The following SDHA variants were observed in gnomAD, a reference collection of about 807,000 sequenced individuals.
SDHA encodes the protein succinate dehydrogenase complex flavoprotein subunit A.
SDHA carries 48 observed loss-of-function variants against 78.4 expected under a neutral mutation model. That is an observed-to-expected ratio of 0.61 (90% CI 0.49 to 0.78). The LOEUF (loss-of-function observed/expected upper bound fraction) is 0.78, where lower values mean the gene tolerates loss of function less well. SDHA is among the 30% of genes least tolerant of loss of function. SDHA has a pLI of 0.00. For missense variants in SDHA, 680 were observed against 892.7 expected (o/e 0.76, Z 3.04); for synonymous variants, 326 against 353.9 (o/e 0.92, Z 0.88).
the SDHA span, among the ~76,000 whole-genome samples, chr5:262,977 C>G: frequency 8.5e-5 from 13 of 152,164 alleles, no homozygotes; most frequent in African/African-American, 2.9e-4. Flanking sequence ...TCTTGCCATG[C>G]TGCCCAGGCT....
chr5:267,999 A>G, the SDHA span, among the ~76,000 whole-genome samples: 1 of 152,156 alleles, frequency 6.6e-6, no homozygotes, highest in African/African-American at 2.4e-5. Context: ...TGTGAAGACA[A>G]TGTTGTCCCA....
intron 14 of SDHA, 115 bp downstream of exon 14, chr5:254,621 C>G: frequency 2.1e-6 from 3 of 1,446,738 alleles, no homozygotes; most frequent in East Asian, 5.2e-5. Context: ...TAAATCAACT[C>G]CCGACAGATT....
At chr5:227,045 C>CT (rs1322504206) in intron 5 of SDHA, among the ~76,000 whole-genome samples, 6 of 151,954 alleles carry the variant, frequency 3.9e-5, no homozygotes, top group African/African-American at 1.2e-4. Context: ...GAGTCTCACT[C>CT]TGTCACCCAG....
rs369058135 is a variant in SDHA at position 237,284 on chromosome 5, A to G, written c.1432+685A>G. Among the ~76,000 whole-genome samples the G allele has an allele frequency of 3.0e-4, 40 of 133,640 alleles. 4 individuals carry two copies. Among genetic ancestry groups the G allele is most frequent in the Admixed American group, 2.2e-3 (30 of 13,862 alleles). 87.7% of individuals were successfully genotyped at this position (133,640 alleles called of 152,430 possible). A position where few individuals can be genotyped will look rare whatever the true frequency, so the allele number is the denominator to read the frequency against. ...AAGTAGTTGGCATGAATGAATATGT[A>G]ACTTCTTGGTACTTAGAAAAGTAAT... On this transcript the variant is annotated intron_variant, in intron 10 of 14. Transcript: ENST00000264932.
At chr5:223,021 C>G (rs1734803684) in intron 1 of SDHA, among the ~76,000 whole-genome samples, 1 of 152,214 alleles carries the variant, frequency 6.6e-6, no homozygotes, top group Non-Finnish European at 1.5e-5. Context: ...GCCTTTTGAA[C>G]TGACCACAAG....
intron 5 of SDHA, among the ~76,000 whole-genome samples, chr5:227,352 T>G (rs1735095989): frequency 6.6e-6 from 1 of 152,208 alleles, no homozygotes; most frequent in Non-Finnish European, 1.5e-5. Context: ...AAGAAAGACT[T>G]GAGGTGACAA....
chr5:218,771 G>A (rs1227619229), intron 1 of SDHA, among the ~76,000 whole-genome samples: 2 of 152,230 alleles, frequency 1.3e-5, no homozygotes, highest in African/African-American at 2.4e-5. Context: ...TCGGGGAGGA[G>A]TCGTGTCTGC....
chr5:236,406 C>T (rs758362771), intron 9 of SDHA, 22 bp from the exon 10 acceptor site: 5 of 1,611,800 alleles, frequency 3.1e-6, no homozygotes, highest in Admixed American at 3.3e-5. Context: ...TGACATTTCA[C>T]CTGAAATCTT....
chr5:245,472 G>A (rs1393017246), intron 11 of SDHA, among the ~76,000 whole-genome samples: 2 of 152,192 alleles, frequency 1.3e-5, no homozygotes, highest in African/African-American at 2.4e-5. Flanking sequence ...ACAGTCCAAC[G>A]ATTTGCCAGA....
intron 12 of SDHA, 44 bp from the exon 13 acceptor site, chr5:251,294 G>C: frequency 6.2e-7 from 1 of 1,600,006 alleles, no homozygotes; most frequent in Non-Finnish European, 8.5e-7. Context: ...GGGCCCATGT[G>C]ACTGGGTCCC....
At chr5:258,187 C>T (rs1458716327), downstream of SDHA, among the ~76,000 whole-genome samples, 1 of 124,104 alleles carries the variant, frequency 8.1e-6, no homozygotes, top group Non-Finnish European at 1.6e-5. Context: ...CAGAGCATTA[C>T]TGGGTGAGCT....
At chr5:267,269 G>A in the SDHA span, among the ~76,000 whole-genome samples, 1 of 152,202 alleles carries the variant, frequency 6.6e-6, no homozygotes, top group Admixed American at 6.5e-5. Context: ...GACAGGAGGG[G>A]GTGCCAGGCA....
downstream of SDHA, among the ~76,000 whole-genome samples, chr5:258,323 C>CCCCGTGTTAGAGCATTACTGTGAGCTCCG (rs1737337810): frequency 2.0e-5 from 2 of 98,096 alleles, no homozygotes; most frequent in African/African-American, 7.4e-5. Context: ...GTGAGCTCCG[C>CCCCGTGTTAGAGCATTACTGTGAGCTCCG]CCCCCTGTCA....
At chr5:256,006 T>C (rs6859587) in intron 14 of SDHA, among the ~76,000 whole-genome samples, 57,783 of 151,930 alleles carry the variant, frequency 0.38, 12,662 homozygotes, top group South Asian at 0.51. Flanking sequence ...TCTGACTCCA[T>C]AGCACATTTC....
downstream of SDHA, among the ~76,000 whole-genome samples, chr5:258,784 G>T (rs1941744440): frequency 1.0e-5 from 1 of 95,816 alleles, no homozygotes; most frequent in Non-Finnish European, 1.9e-5. Context: ...CAGCATTACC[G>T]TGTGAGCTCC....
chr5:267,319 G>A, the SDHA span, among the ~76,000 whole-genome samples: 1 of 152,130 alleles, frequency 6.6e-6, no homozygotes. Flanking sequence ...CGGGAATCTG[G>A]AAAAAGGAAA....
At chr5:241,888 A>C (rs72711326) in intron 11 of SDHA, among the ~76,000 whole-genome samples, 14,552 of 152,282 alleles carry the variant, frequency 0.096, 991 homozygotes, top group Non-Finnish European at 0.13. Context: ...GATGCCCTGC[A>C]GTACTATTGT....
chr5:219,708 T>G (rs1734606707), intron 1 of SDHA, among the ~76,000 whole-genome samples: 4 of 152,124 alleles, frequency 2.6e-5, no homozygotes, highest in Admixed American at 2.0e-4. Context: ...AAGCCCATGG[T>G]CAGTGGGGCT....
chr5:251,213 G>C, intron 12 of SDHA, 110 bp downstream of exon 12: 1 of 1,483,814 alleles, frequency 6.7e-7, no homozygotes. Context: ...GTCTGGATGG[G>C]TCCTGGCCCA....
Sources: allele counts gnomAD v4.1 joint callset (sites outside exome capture counted in the v4.1 genomes callset), GRCh38; gene constraint gnomAD v4.1.1; transcripts MANE v1.5; gene names NCBI Gene and HGNC (gene_info 2026-07-23, HGNC 2026-07-21).